Variants in VPS37B observed in about 807,000 individuals in gnomAD.
VPS37B encodes VPS37B subunit of ESCRT-I, also known as vacuolar protein sorting-associated protein 37B.
VPS37B carries 11 observed loss-of-function variants against 21.2 expected under a neutral mutation model. That is an observed-to-expected ratio of 0.52 (90% CI 0.33 to 0.86). The LOEUF is 0.86. VPS37B is among the 40% of genes least tolerant of loss of function. VPS37B has a pLI of 0.03. For missense variants in VPS37B, 389 were observed against 374.8 expected (o/e 1.04, Z -0.31); for synonymous variants, 175 against 159.6 (o/e 1.10, Z -0.73).
rs931722460 is a variant in VPS37B at position 122,866,747 on chromosome 12, A to T, written c.*369T>A. 1 of 195,150 alleles carries T rather than the reference A, an allele frequency of 5.1e-6. No homozygotes were observed. The highest frequency in any genetic ancestry group is 2.3e-5 in the African/African-American group (1 of 43,176). 12.1% of individuals were successfully genotyped at this position (195,150 alleles called of 1,614,324 possible). A position where few individuals can be genotyped will look rare whatever the true frequency, so the allele number is the denominator to read the frequency against. ...AGGACTGTCTTTCGAAAATAAAATAAGTATCATGAACCATGCTCATTAAAT... is the reference window on the plus strand; with the variant it reads ...AGGACTGTCTTTCGAAAATAAAATATGTATCATGAACCATGCTCATTAAAT... On this transcript the variant is annotated 3_prime_UTR_variant, in exon 4 of 4. Coordinates refer to ENST00000267202, the MANE Select transcript of VPS37B (RefSeq NM_024667.3).
At chr12:122,883,260 C>G (rs755416115) in intron 1 of VPS37B, 1 of 152,194 alleles carries the variant, frequency 6.6e-6, no homozygotes, top group Non-Finnish European at 1.5e-5. Flanking sequence ...CGAAAAGGAA[C>G]AGACAGTGAG....
At chr12:122,870,229 C>A (rs1003912713) in intron 2 of VPS37B, 5 of 152,174 alleles carry the variant, frequency 3.3e-5, no homozygotes, top group African/African-American at 7.2e-5. Flanking sequence ...TGGCTTCCTC[C>A]TAATCTCCAG....
At chr12:122,870,606 C>T in intron 2 of VPS37B, 1 of 284,800 alleles carries the variant, frequency 3.5e-6, no homozygotes, top group Non-Finnish European at 6.7e-6. Context: ...TGGGGTAGTG[C>T]ACACCTGTGG....
At chr12:122,874,332 C>A (rs1283183144) in intron 1 of VPS37B, 1 of 152,206 alleles carries the variant, frequency 6.6e-6, no homozygotes, top group Non-Finnish European at 1.5e-5. Context: ...CCAACCCCTA[C>A]CTGTTGAGCT....
intron 1 of VPS37B, among the ~76,000 whole-genome samples, chr12:122,894,796 T>C (rs1189715108): frequency 6.6e-6 from 1 of 152,144 alleles, no homozygotes; most frequent in Non-Finnish European, 1.5e-5. Flanking sequence ...TGAAGGAAGA[T>C]AACCAGAAAC....
At chr12:122,892,643 C>T (rs1327952701) in intron 1 of VPS37B, among the ~76,000 whole-genome samples, 3 of 152,156 alleles carry the variant, frequency 2.0e-5, no homozygotes, top group African/African-American at 4.8e-5. Flanking sequence ...TTTGGCTGGG[C>T]GTGGTGGCCC....
In VPS37B at chr12:122,883,347, C is replaced by G. The variant is rs530595585; in HGVS notation, c.112-12286G>C. 3 of 152,312 alleles carry G rather than the reference C, an allele frequency of 2.0e-5. No individual in the cohort carries two copies. The South Asian group carries it at 6.2e-4, about 32-fold the overall frequency. 9.4% of individuals were successfully genotyped at this position (152,312 alleles called of 1,614,324 possible). ...TGGTACGTGTGAGTGCAGCTAACCA[C>G]AGAAACACAAAAAGCTAGGCTCGAA... On this transcript the variant is annotated intron_variant, in intron 1 of 3. Transcript: ENST00000267202.
intron 1 of VPS37B, chr12:122,874,524 A>C (rs958680503): frequency 2.6e-5 from 4 of 152,260 alleles, no homozygotes; most frequent in Non-Finnish European, 5.9e-5. Context: ...CTAGAGGAGA[A>C]GAACACAAGG....
At chr12:122,875,824 G>T (rs535359128) in intron 1 of VPS37B, 5 of 146,950 alleles carry the variant, frequency 3.4e-5, no homozygotes, top group Non-Finnish European at 6.0e-5. Context: ...GCTTAGAGAG[G>T]TATTTTAGGA....
At position 122,890,974 on chromosome 12, in the gene VPS37B, G is replaced by A. The variant is rs144177413; in HGVS notation, c.111+4978C>T. 8.4e-4 allele frequency among the ~76,000 whole-genome samples: 128 copies of A among 152,296 alleles called. 1 individual carries two copies. Among genetic ancestry groups the A allele is most frequent in the Non-Finnish European group, 1.4e-3 (97 of 68,016 alleles). Reference sequence around the variant, plus strand: ...TCCATTTGGGCATCAAGGAAACTACGCCTTTTAGCTAACAATAACTATTTA... The same window carrying A: ...TCCATTTGGGCATCAAGGAAACTACACCTTTTAGCTAACAATAACTATTTA... On this transcript the variant is annotated intron_variant, in intron 1 of 3. Transcript: ENST00000267202.
rs1375417482 is a variant in VPS37B, at chr12:122,866,840, G to A, written c.*276C>T. ...GAGAGGCCTATTTCTTCCCAAACAT[G>A]AGTTCATCAACGCTAAGATACTTAG... On this transcript the variant is annotated 3_prime_UTR_variant, in exon 4 of 4. Transcript: ENST00000267202. The A allele has an allele frequency of 2.6e-6, 1 of 380,810 alleles. No homozygotes were observed. The allele number at this position is 380,810 out of a possible 1,614,324, so 23.6% of individuals were successfully genotyped here.
At position 122,883,154 on chromosome 12, in the gene VPS37B, C is replaced by T. The variant is rs1158724218; in HGVS notation, c.112-12093G>A. On this transcript the variant is annotated intron_variant, in intron 1 of 3. Coordinates refer to ENST00000267202, the MANE Select transcript of VPS37B (RefSeq NM_024667.3). ...ATGTTCCACCAAACAACCCACTCCA[C>T]ACACAGAACCTCTAACTTCCAACTA... The T allele has an allele frequency of 2.0e-5, 3 of 152,350 alleles. No individual in the cohort carries two copies. In the East Asian group the frequency reaches 5.8e-4, roughly 29 times the overall value. 9.4% of individuals were successfully genotyped at this position (152,350 alleles called of 1,614,324 possible). A position where few individuals can be genotyped will look rare whatever the true frequency, so the allele number is the denominator to read the frequency against.
At chr12:122,892,825 C>A (rs988001334) in intron 1 of VPS37B, among the ~76,000 whole-genome samples, 1 of 152,188 alleles carries the variant, frequency 6.6e-6, no homozygotes, top group Non-Finnish European at 1.5e-5. Flanking sequence ...CTATGGGAGG[C>A]TGAGGCAGGC....
At chr12:122,871,329 T>C in intron 1 of VPS37B, 1 of 1,176,264 alleles carries the variant, frequency 8.5e-7, no homozygotes, top group Non-Finnish European at 1.1e-6. Context: ...ATGCAGAGCC[T>C]TCCCTGCCAC....
In VPS37B at chr12:122,867,689, A is replaced by ACG; in HGVS notation, c.367-84_367-83dup. 1 of 1,581,028 alleles carries ACG rather than the reference A, an allele frequency of 6.3e-7. No individual in the cohort carries two copies. Among genetic ancestry groups the ACG allele is most frequent in the South Asian group, 1.1e-5 (1 of 89,932 alleles). On this transcript the variant is annotated intron_variant, in intron 3 of 3. Transcript: ENST00000267202. This position sits in a 1 kb window ranked among gnomAD's most constrained non-coding sequence, Gnocchi z 5.5. ...CGTGGTCTAGGCACAAGGAGAGGCA[A>ACG]CGCCCAGCTGCTTCCAACACTGCCC... is the stretch of plus-strand genomic sequence containing the variant.
At chr12:122,880,348 G>A (rs2034227962) in intron 1 of VPS37B, 1 of 152,136 alleles carries the variant, frequency 6.6e-6, no homozygotes, top group African/African-American at 2.4e-5. Flanking sequence ...GACACTGATG[G>A]CTGGAAAGCG....
intron 1 of VPS37B, 179 bp from the exon 2 acceptor site, chr12:122,871,240 TG>T: frequency 7.3e-7 from 1 of 1,366,276 alleles, no homozygotes; most frequent in Non-Finnish European, 9.4e-7. Context: ...GTTTCTCATT[TG>T]GAGCTGCTGC....
At chr12:122,888,652 G>A (rs2034362686) in intron 1 of VPS37B, 1 of 454,364 alleles carries the variant, frequency 2.2e-6, no homozygotes, top group Non-Finnish European at 4.4e-6. Context: ...GTCAAACAGT[G>A]CAGTCTACTT....
rs551062679 is a variant in VPS37B at position 122,868,307 on chromosome 12, T to C, written c.366+173A>G. Reference sequence around the variant, plus strand: ...CTCACCCCGCTGCTCCCTGGACCCCTGCCTGGCACTTTCCCCAGCACACAG... The same window carrying C: ...CTCACCCCGCTGCTCCCTGGACCCCCGCCTGGCACTTTCCCCAGCACACAG... On this transcript the variant is annotated intron_variant, in intron 3 of 3. Transcript: ENST00000267202. The surrounding 1 kb of genome is among the most constrained non-coding windows in gnomAD (Gnocchi z 5.5). Among the ~76,000 whole-genome samples, 28 of 152,258 alleles carry C rather than the reference T, an allele frequency of 1.8e-4. No homozygotes were observed. Among genetic ancestry groups the C allele is most frequent in the African/African-American group, 6.3e-4 (26 of 41,558 alleles).
Sources: gnomAD v4.1 joint callset for allele counts (sites outside exome capture counted in the v4.1 genomes callset) on GRCh38, gnomAD v4.1.1 for gene constraint, Gnocchi (gnomAD v3.1) non-coding constraint, MANE v1.5 for transcripts, NCBI Gene and HGNC (gene_info 2026-07-23, HGNC 2026-07-21) for gene names.